DTNA: variants seen among roughly 807,000 people sequenced by gnomAD.
DTNA encodes the protein dystrobrevin alpha.
A neutral mutation model predicts 100.7 loss-of-function variants in DTNA; 43 were observed. The observed-to-expected ratio is 0.43, with a 90% confidence interval of 0.33 to 0.55. The LOEUF (loss-of-function observed/expected upper bound fraction) is 0.55. Ranked by LOEUF, DTNA falls within the 20% of genes least tolerant of loss-of-function variation. DTNA has a pLI of 0.04. For missense variants in DTNA, 798 were observed against 953.9 expected (o/e 0.84, Z 2.15); for synonymous variants, 349 against 347.9 (o/e 1.00, Z -0.04).
chr18:34,640,625 T>C (rs1380182567), intron 1 of DTNA, among the ~76,000 whole-genome samples: 1 of 152,238 alleles, frequency 6.6e-6, no homozygotes, highest in East Asian at 1.9e-4. Context: ...TTGATAGTCC[T>C]ACCAATCTTT....
At chr18:34,754,549 T>A (rs986102933) in intron 1 of DTNA, among the ~76,000 whole-genome samples, 1 of 152,146 alleles carries the variant, frequency 6.6e-6, no homozygotes, top group Non-Finnish European at 1.5e-5. Flanking sequence ...CCTGGCTTGA[T>A]CACTGTGGGG....
intron 1 of DTNA, among the ~76,000 whole-genome samples, chr18:34,685,694 T>C (rs2078788690): frequency 6.6e-6 from 1 of 152,212 alleles, no homozygotes; most frequent in Admixed American, 6.5e-5. Context: ...GGTAGCTTGA[T>C]GGGAATGGCA....
At chr18:34,866,875 C>A in intron 17 of DTNA, 1 of 895,040 alleles carries the variant, frequency 1.1e-6, no homozygotes, top group Non-Finnish European at 1.4e-6. Flanking sequence ...TCATTACATA[C>A]TTTTTTTTTT....
chr18:34,818,357 G>A (rs1447207737), intron 8 of DTNA, 27 bp downstream of exon 8: 1 of 1,611,456 alleles, frequency 6.2e-7, no homozygotes, highest in East Asian at 2.2e-5. Flanking sequence ...GCAATACTTG[G>A]AGTTGGATGT....
At chr18:34,703,749 T>A (rs1329467444) in intron 1 of DTNA, among the ~76,000 whole-genome samples, 2 of 152,234 alleles carry the variant, frequency 1.3e-5, no homozygotes, top group Non-Finnish European at 2.9e-5. Flanking sequence ...ATTTGTTCAA[T>A]TACTAGATGG....
At chr18:34,597,422 A>C (rs961536417) in intron 1 of DTNA, among the ~76,000 whole-genome samples, 7 of 152,050 alleles carry the variant, frequency 4.6e-5, no homozygotes, top group African/African-American at 1.7e-4. Context: ...TAACTTGGCT[A>C]TTATATGGTC....
At chr18:34,730,425 G>A (rs927971845) in intron 1 of DTNA, among the ~76,000 whole-genome samples, 2 of 152,206 alleles carry the variant, frequency 1.3e-5, no homozygotes, top group East Asian at 3.9e-4. Flanking sequence ...CTGTTCTCTG[G>A]TTAGTCTGGA....
Position 34,766,185 on chromosome 18 carries a change from G to T in DTNA, c.148+144G>T, listed in dbSNP as rs1383288. The stretch of plus-strand genomic sequence containing the variant: ...CACAACAATAAAAGGGGTATTATGA[G>T]GCACAAATGGTAGAGATGACTCCTA... On this transcript the variant is annotated intron_variant, in intron 3 of 22. Coordinates refer to ENST00000444659, the MANE Select transcript of DTNA (RefSeq NM_001386795.1). 0.98 allele frequency: 946,866 copies of T among 965,108 alleles called. 466,470 individuals are homozygous for T. Among genetic ancestry groups the T allele is most frequent in the East Asian group, 1 (37,647 of 37,652 alleles). 59.8% of individuals were successfully genotyped at this position (965,108 alleles called of 1,614,324 possible).
chr18:34,647,882 T>TTAA (rs1408120333), intron 1 of DTNA, among the ~76,000 whole-genome samples: 7 of 152,208 alleles, frequency 4.6e-5, no homozygotes, highest in African/African-American at 1.7e-4. Context: ...AGTTGTTGAA[T>TTAA]TAATGCATGC....
chr18:34,752,486 T>G (rs940401149), intron 1 of DTNA, among the ~76,000 whole-genome samples: 3 of 152,160 alleles, frequency 2.0e-5, no homozygotes, highest in Non-Finnish European at 4.4e-5. Context: ...TGAGCTTACT[T>G]TGTCCTAGAG....
chr18:34,559,325 A>C (rs551765050), intron 1 of DTNA, among the ~76,000 whole-genome samples: 55 of 152,364 alleles, frequency 3.6e-4, no homozygotes, highest in Non-Finnish European at 7.9e-4. Context: ...GAGCAACTGA[A>C]TCAAGTTCTG....
intron 5 of DTNA, among the ~76,000 whole-genome samples, chr18:34,807,215 T>C (rs2095384128): frequency 6.6e-6 from 1 of 152,204 alleles, no homozygotes; most frequent in Non-Finnish European, 1.5e-5. Flanking sequence ...CATTTAACCC[T>C]ATCCTTTTCC....
intron 13 of DTNA, 114 bp from the exon 14 acceptor site, chr18:34,848,181 GT>G: frequency 1.1e-6 from 1 of 927,362 alleles, no homozygotes; most frequent in South Asian, 1.4e-5. Flanking sequence ...GTTTTGTGTA[GT>G]TTGCAAATCT....
intron 1 of DTNA, among the ~76,000 whole-genome samples, chr18:34,712,626 G>A (rs1011252051): frequency 2.0e-5 from 3 of 152,102 alleles, no homozygotes; most frequent in Non-Finnish European, 2.9e-5. Flanking sequence ...TTCTTAAGAA[G>A]CAAAATTGAC....
intron 8 of DTNA, chr18:34,818,591 T>C (rs1197426335): frequency 7.6e-7 from 1 of 1,312,504 alleles, no homozygotes; most frequent in South Asian, 1.7e-5. Context: ...AATTCAGTAC[T>C]GATTTAAATA....
intron 1 of DTNA, among the ~76,000 whole-genome samples, chr18:34,566,742 G>C (rs566347703): frequency 6.6e-6 from 1 of 152,114 alleles, no homozygotes; most frequent in Non-Finnish European, 1.5e-5. Context: ...GTTCTCCAGG[G>C]ATCCTACTGA....
At chr18:34,775,938 A>G (rs1275930387) in intron 3 of DTNA, among the ~76,000 whole-genome samples, 1 of 152,184 alleles carries the variant, frequency 6.6e-6, no homozygotes, top group Non-Finnish European at 1.5e-5. Context: ...TAAAGCATGG[A>G]CCTGTGCTTT....
intron 1 of DTNA, among the ~76,000 whole-genome samples, chr18:34,668,363 T>C (rs2076245463): frequency 6.6e-6 from 1 of 152,214 alleles, no homozygotes; most frequent in South Asian, 2.1e-4. Context: ...TTGTTGATCT[T>C]TTCAAAAAAC....
At chr18:34,714,296 A>G (rs1356827703) in intron 1 of DTNA, among the ~76,000 whole-genome samples, 60 of 148,034 alleles carry the variant, frequency 4.1e-4, no homozygotes, top group Non-Finnish European at 7.2e-4. Flanking sequence ...TGAACAGGCA[A>G]CCTACAAAAT....
Sources: allele counts gnomAD v4.1 joint callset (sites outside exome capture counted in the v4.1 genomes callset), GRCh38; gene constraint gnomAD v4.1.1; transcripts MANE v1.5; gene names NCBI Gene and HGNC (gene_info 2026-07-23, HGNC 2026-07-21).